The following SPATA6 variants were observed in gnomAD, a reference collection of about 807,000 sequenced individuals.
The protein encoded by SPATA6 is spermatogenesis-associated protein 6.
SPATA6 carries 56 observed loss-of-function variants against 65.3 expected under a neutral mutation model. The observed-to-expected ratio is 0.86, with a 90% CI of 0.69 to 1.07. The LOEUF (loss-of-function observed/expected upper bound fraction) is 1.07, where lower values mean the gene tolerates loss of function less well. Among genes scored for constraint, SPATA6 ranks in the 50% least tolerant of loss-of-function variants. SPATA6 has a pLI of 0.00. For missense variants in SPATA6, 590 were observed against 594.8 expected (o/e 0.99, Z 0.08); for synonymous variants, 199 against 213.2 (o/e 0.93, Z 0.58).
intron 3 of SPATA6, among the ~76,000 whole-genome samples, chr1:48,428,322 C>T (rs113333036): frequency 0.015 from 2,262 of 152,234 alleles, 55 homozygotes; most frequent in African/African-American, 0.052. Flanking sequence ...GGCGTGGTGG[C>T]ACATGCCTGT....
the SPATA6 span, among the ~76,000 whole-genome samples, chr1:48,269,147 TTAAAA>T: frequency 5.9e-5 from 9 of 152,206 alleles, no homozygotes; most frequent in Non-Finnish European, 1.2e-4. Context: ...GTCCTATGTC[TTAAAA>T]TAATTCTTAA....
intron 3 of SPATA6, among the ~76,000 whole-genome samples, chr1:48,435,392 G>C (rs937942294): frequency 2.3e-4 from 34 of 150,748 alleles, no homozygotes; most frequent in African/African-American, 8.1e-4. Context: ...ACTCTGTCTA[G>C]CTAAAGGACT....
chr1:48,377,903 G>A (rs1043603345), intron 9 of SPATA6, among the ~76,000 whole-genome samples: 10 of 152,152 alleles, frequency 6.6e-5, no homozygotes, highest in Non-Finnish European at 1.5e-4. Flanking sequence ...GCAATAGAAA[G>A]TAGGCAAGAA....
At chr1:48,467,141 G>T (rs1379540351) in intron 1 of SPATA6, among the ~76,000 whole-genome samples, 1 of 151,992 alleles carries the variant, frequency 6.6e-6, no homozygotes, top group Admixed American at 6.5e-5. Flanking sequence ...ATTGAGAAAA[G>T]TCACTTTCCT....
At chr1:48,462,636 G>A (rs372029680) in intron 1 of SPATA6, among the ~76,000 whole-genome samples, 2 of 152,278 alleles carry the variant, frequency 1.3e-5, no homozygotes, top group South Asian at 4.1e-4. Context: ...GACAGATAGA[G>A]CCATACATCC....
chr1:48,352,861 T>C (rs978272565), intron 11 of SPATA6, among the ~76,000 whole-genome samples: 17 of 141,020 alleles, frequency 1.2e-4, no homozygotes, highest in Non-Finnish European at 2.0e-4. Context: ...TTCAACAGAC[T>C]CAGAAGCAGC....
chr1:48,431,311 C>A (rs1316041320), intron 3 of SPATA6, among the ~76,000 whole-genome samples: 2 of 151,884 alleles, frequency 1.3e-5, no homozygotes, highest in African/African-American at 2.4e-5. Flanking sequence ...AATGGTTCTA[C>A]AATAATAGTA....
chr1:48,452,958 T>C, intron 2 of SPATA6, 36 bp downstream of exon 2: 2 of 1,595,326 alleles, frequency 1.3e-6, no homozygotes, highest in Non-Finnish European at 1.7e-6. Context: ...CTTTGATGTT[T>C]TGTTTGTTAA....
intron 11 of SPATA6, among the ~76,000 whole-genome samples, chr1:48,318,311 A>T (rs1488786892): frequency 6.6e-6 from 1 of 152,182 alleles, no homozygotes; most frequent in Non-Finnish European, 1.5e-5. Flanking sequence ...CATAAGAGAA[A>T]TCAAGATCAG....
chr1:48,385,899 T>G (rs1195397971), intron 8 of SPATA6, among the ~76,000 whole-genome samples: 3 of 152,158 alleles, frequency 2.0e-5, no homozygotes, highest in Admixed American at 1.3e-4. Context: ...TCCTAATATG[T>G]CTGATGTGCC....
intron 12 of SPATA6, among the ~76,000 whole-genome samples, chr1:48,301,361 G>A (rs1353672781): frequency 1.3e-5 from 2 of 151,362 alleles, no homozygotes; most frequent in African/African-American, 4.8e-5. Flanking sequence ...AAAGAAACTG[G>A]AGAACACAAG....
intron 3 of SPATA6, among the ~76,000 whole-genome samples, chr1:48,434,465 A>G (rs1403403311): frequency 6.6e-6 from 1 of 152,194 alleles, no homozygotes; most frequent in African/African-American, 2.4e-5. Flanking sequence ...CTCAAAACAT[A>G]CTGGTGTACA....
intron 9 of SPATA6, among the ~76,000 whole-genome samples, chr1:48,361,768 C>T (rs933062149): frequency 6.6e-6 from 1 of 151,924 alleles, no homozygotes; most frequent in Non-Finnish European, 1.5e-5. Flanking sequence ...CATTAGTTGC[C>T]CAATAAATGT....
Position 48,296,484 on chromosome 1 carries a change from A to G in SPATA6, c.*2229T>C, listed in dbSNP as rs1339686847. 3 of 152,188 alleles carry G rather than the reference A, an allele frequency of 2.0e-5. No homozygotes were observed. The highest frequency in any genetic ancestry group is 4.4e-5 in the Non-Finnish European group (3 of 68,018). 9.4% of individuals were successfully genotyped at this position (152,188 alleles called of 1,614,324 possible). ...CTTTTTGCAGCCTTTTTCACAGCCAATGGCAGATACAGGTGCAATAAGTAA... is the reference window on the plus strand; with the variant it reads ...CTTTTTGCAGCCTTTTTCACAGCCAGTGGCAGATACAGGTGCAATAAGTAA... On this transcript the variant is annotated 3_prime_UTR_variant, in exon 13 of 13. Transcript: ENST00000371847.
intron 5 of SPATA6, 106 bp downstream of exon 5, chr1:48,411,358 T>C (rs573271219): frequency 3.1e-6 from 4 of 1,292,046 alleles, no homozygotes; most frequent in African/African-American, 3.0e-5. Flanking sequence ...GTAAACTAAA[T>C]TACACTTTGA....
At chr1:48,279,422 G>C in the SPATA6 span, among the ~76,000 whole-genome samples, 1 of 152,166 alleles carries the variant, frequency 6.6e-6, no homozygotes, top group Non-Finnish European at 1.5e-5. Flanking sequence ...TCAGTGTGCT[G>C]TATTCAGCAA....
intron 9 of SPATA6, among the ~76,000 whole-genome samples, chr1:48,364,814 T>C (rs1017744428): frequency 6.6e-6 from 1 of 152,228 alleles, no homozygotes; most frequent in African/African-American, 2.4e-5. Context: ...TAGATTCCAT[T>C]TGTCAATTGT....
intron 2 of SPATA6, among the ~76,000 whole-genome samples, chr1:48,452,526 G>A (rs905948361): frequency 2.6e-5 from 4 of 151,978 alleles, no homozygotes; most frequent in Non-Finnish European, 5.9e-5. Context: ...TGGGATTATA[G>A]GCAGGTGCCA....
At chr1:48,324,061 C>T (rs1326408866) in intron 11 of SPATA6, among the ~76,000 whole-genome samples, 1 of 152,044 alleles carries the variant, frequency 6.6e-6, no homozygotes, top group Non-Finnish European at 1.5e-5. Context: ...GCAATTCTCC[C>T]ATCTCAGCCT....
Sources: gnomAD v4.1 joint callset for allele counts (sites outside exome capture counted in the v4.1 genomes callset) on GRCh38, gnomAD v4.1.1 for gene constraint, MANE v1.5 for transcripts, NCBI Gene and HGNC (gene_info 2026-07-23, HGNC 2026-07-21) for gene names.